Variants in AKAP12 observed in about 807,000 individuals in gnomAD.
AKAP12 encodes the protein A-kinase anchor protein 12.
AKAP12 carries 32 observed loss-of-function variants against 79.9 expected under a neutral mutation model. The observed-to-expected ratio is 0.40, with a 90% CI of 0.30 to 0.54. The LOEUF is 0.54. AKAP12 is among the 20% of genes least tolerant of loss of function. The pLI, the probability that AKAP12 is intolerant of heterozygous loss-of-function variation, is 0.48. For synonymous variants in AKAP12, 808 were observed against 857.0 expected, an observed-to-expected ratio of 0.94 and a Z score of 1.00; for missense variants, 2,074 against 2,177.0, an observed-to-expected ratio of 0.95 and a Z score of 0.94.
chr6:151,245,894 GCA>G (rs1045653421), intron 2 of AKAP12, among the ~76,000 whole-genome samples: 15 of 152,160 alleles, frequency 9.9e-5, no homozygotes, highest in African/African-American at 3.6e-4. Context: ...GATAAAAATG[GCA>G]CAGTCTTTTC....
intron 2 of AKAP12, among the ~76,000 whole-genome samples, chr6:151,248,923 G>C (rs1015422393): frequency 1.3e-5 from 2 of 151,978 alleles, no homozygotes; most frequent in Non-Finnish European, 2.9e-5. Context: ...GGAGGTGGAG[G>C]TTGCAGTGAG....
rs1778225502 is a variant in AKAP12, at chr6:151,349,768, T to C, written c.1377T>C (p.Pro459=). The part of the protein sequence containing the change: ...EMDAEPQEAE[P]AKELVKLKET... ...ATGCAGAACCTCAGGAAGCTGAACC[T>C]GCCAAGGAGCTGGTGAAGCTCAAAG... is the stretch of plus-strand genomic sequence containing the variant. Residue 459 remains proline, a synonymous_variant, in exon 4 of 5, where the codon CCT becomes CCC. Transcript: ENST00000402676. 1 of 1,613,948 alleles carries C rather than the reference T, an allele frequency of 6.2e-7. No homozygotes were observed.
intron 2 of AKAP12, among the ~76,000 whole-genome samples, chr6:151,278,568 G>A (rs905528142): frequency 6.6e-6 from 1 of 152,112 alleles, no homozygotes; most frequent in African/African-American, 2.4e-5. Context: ...TCCAGTTGGA[G>A]GTCAGTTTCT....
intron 3 of AKAP12, 33 bp from the exon 4 acceptor site, chr6:151,348,678 T>TCTCC: frequency 1.6e-5 from 6 of 374,894 alleles, no homozygotes; most frequent in South Asian, 2.8e-5. Flanking sequence ...CCTTTTCTCT[T>TCTCC]CTCCCCACCC....
At chr6:151,268,233 A>G (rs1318086023) in intron 2 of AKAP12, among the ~76,000 whole-genome samples, 2 of 152,066 alleles carry the variant, frequency 1.3e-5, no homozygotes, top group Admixed American at 6.6e-5. Context: ...ACCAACATGG[A>G]GATGTATTTT....
intron 2 of AKAP12, among the ~76,000 whole-genome samples, chr6:151,251,956 T>C (rs1259180634): frequency 2.0e-5 from 3 of 152,250 alleles, no homozygotes; most frequent in South Asian, 2.1e-4. Context: ...GAGATCGCTC[T>C]GCTGCACTTC....
chr6:151,256,737 CCTCCCAGGTTCAAGAGATT>C (rs1357262799), intron 2 of AKAP12, among the ~76,000 whole-genome samples: 3 of 151,868 alleles, frequency 2.0e-5, no homozygotes, highest in Admixed American at 1.3e-4. Flanking sequence ...GCAACCTCCA[CCTCCCAGGTTCAAGAGATT>C]CTCCTGCCTC....
intron 2 of AKAP12, among the ~76,000 whole-genome samples, chr6:151,301,728 C>T (rs1776866120): frequency 6.6e-6 from 1 of 152,154 alleles, no homozygotes; most frequent in South Asian, 2.1e-4. Context: ...GAGGTCAAAG[C>T]TTGGGTACCC....
chr6:151,353,332 A>C lies in AKAP12; in HGVS notation c.4941A>C (p.Glu1647Asp), dbSNP rs1778351748. Reference sequence around the variant, plus strand: ...AAAAGACCATGACTGTTGAGGTAGAAGGTTCCACTGTAAATGATCAGCAGC... The same window carrying C: ...AAAAGACCATGACTGTTGAGGTAGACGGTTCCACTGTAAATGATCAGCAGC... ...ASEKTMTVEV[E>D]GSTVNDQQLE... is the part of the protein sequence containing the mutation. Residue 1647 changes from glutamate (E) to aspartate (D), a missense_variant, in exon 4 of 5, where the codon GAA becomes GAC. Glu to Asp is a conservative substitution (Grantham distance 45). Coordinates refer to ENST00000402676, the MANE Select transcript of AKAP12 (RefSeq NM_005100.4). The C allele has an allele frequency of 6.2e-7, 1 of 1,614,230 alleles. No homozygotes were observed. Among genetic ancestry groups the C allele is most frequent in the Non-Finnish European group, 8.5e-7 (1 of 1,180,038 alleles).
chr6:151,285,618 A>G (rs897981304), intron 2 of AKAP12, among the ~76,000 whole-genome samples: 6 of 152,124 alleles, frequency 3.9e-5, no homozygotes, highest in African/African-American at 1.2e-4. Context: ...TTCATGCAAA[A>G]AAGGGGGGAG....
chr6:151,304,656 C>G (rs1307725625), intron 2 of AKAP12, among the ~76,000 whole-genome samples: 1 of 151,668 alleles, frequency 6.6e-6, no homozygotes, highest in East Asian at 2.0e-4. Flanking sequence ...CCTCCACCTC[C>G]CACATCCACC....
chr6:151,270,567 G>A (rs60190632), intron 2 of AKAP12, among the ~76,000 whole-genome samples: 12,443 of 152,212 alleles, frequency 0.082, 913 homozygotes, highest in African/African-American at 0.19. Flanking sequence ...TGAAATTGCT[G>A]TATGTTAACC....
At chr6:151,257,261 C>T (rs1371537766) in intron 2 of AKAP12, among the ~76,000 whole-genome samples, 4 of 151,986 alleles carry the variant, frequency 2.6e-5, no homozygotes, top group African/African-American at 4.8e-5. Flanking sequence ...TTTCTGTCCA[C>T]GAGCACTTAA....
At chr6:151,251,118 G>A (rs1255999634) in intron 2 of AKAP12, among the ~76,000 whole-genome samples, 1 of 152,190 alleles carries the variant, frequency 6.6e-6, no homozygotes, top group Non-Finnish European at 1.5e-5. Flanking sequence ...TTGGGAAAGT[G>A]TTCTAGGCAG....
At chr6:151,244,456 G>A (rs771608116) in intron 2 of AKAP12, among the ~76,000 whole-genome samples, 1 of 152,134 alleles carries the variant, frequency 6.6e-6, no homozygotes, top group Non-Finnish European at 1.5e-5. Context: ...CTCGGGAAGC[G>A]GAGTTTGCAA....
At chr6:151,302,097 G>T (rs190708019) in intron 2 of AKAP12, among the ~76,000 whole-genome samples, 34 of 149,214 alleles carry the variant, frequency 2.3e-4, no homozygotes, top group Non-Finnish European at 3.5e-4. Context: ...TGCAACCTCC[G>T]CCTCCCAGGT....
At chr6:151,312,475 C>CA (rs1777127028) in intron 3 of AKAP12, among the ~76,000 whole-genome samples, 1 of 150,796 alleles carries the variant, frequency 6.6e-6, no homozygotes, top group African/African-American at 2.4e-5. Flanking sequence ...GACCCTGTCT[C>CA]AAAAAATAAA....
chr6:151,310,465 T>C (rs1004046885), intron 3 of AKAP12, among the ~76,000 whole-genome samples: 1 of 152,138 alleles, frequency 6.6e-6, no homozygotes, highest in African/African-American at 2.4e-5. Context: ...TTTTGCAGGC[T>C]GGGGGCGGTG....
chr6:151,314,983 C>T (rs535262322), intron 3 of AKAP12, among the ~76,000 whole-genome samples: 11 of 145,164 alleles, frequency 7.6e-5, no homozygotes, highest in South Asian at 6.6e-4. Context: ...ACCCGGTAGG[C>T]GAGGGTTGCA....
Sources: gnomAD v4.1 joint callset for allele counts (sites outside exome capture counted in the v4.1 genomes callset) on GRCh38, gnomAD v4.1.1 for gene constraint, MANE v1.5 for transcripts, NCBI Gene and HGNC (gene_info 2026-07-23, HGNC 2026-07-21) for gene names.